The following CRADD variants were observed in gnomAD, a reference collection of about 807,000 sequenced individuals.
CRADD encodes the protein CARD and death domain containing adaptor protein, also known as death domain-containing protein CRADD.
A neutral mutation model predicts 15.5 loss-of-function variants in CRADD; 9 were observed. That is an observed-to-expected ratio of 0.58 (90% CI 0.35 to 1.01). The LOEUF (loss-of-function observed/expected upper bound fraction) is 1.01. Ranked by LOEUF, CRADD falls within the 50% of genes least tolerant of loss-of-function variation. The pLI, the probability that CRADD is intolerant of heterozygous loss-of-function variation, is 0.02. For missense variants in CRADD, 227 were observed against 250.3 expected (o/e 0.91, Z 0.63); for synonymous variants, 118 against 107.6 (o/e 1.10, Z -0.60).
chr12:93,780,975 C>T lies in CRADD; in HGVS notation c.299-68995C>T, dbSNP rs148406744. Among the ~76,000 whole-genome samples the T allele has an allele frequency of 1.7e-3, 258 of 149,814 alleles. 1 individual carries two copies. Among genetic ancestry groups the T allele is most frequent in the Non-Finnish European group, 3.1e-3 (211 of 67,618 alleles). On this transcript the variant is annotated intron_variant, in intron 2 of 2. Coordinates refer to ENST00000332896, the MANE Select transcript of CRADD (RefSeq NM_003805.5). ...TTTGCTATATTGGCCAGGCTGGTCT[C>T]GAACTCCTGACTTCAAGTAATCCAC...
intron 2 of CRADD, among the ~76,000 whole-genome samples, chr12:93,806,297 A>G (rs1023501764): frequency 2.0e-5 from 3 of 151,756 alleles, no homozygotes; most frequent in Non-Finnish European, 2.9e-5. Context: ...CTAAAAATAC[A>G]AAAAATTAGC....
chr12:93,784,514 C>T (rs1326626464), intron 2 of CRADD, among the ~76,000 whole-genome samples: 1 of 152,096 alleles, frequency 6.6e-6, no homozygotes, highest in Admixed American at 6.5e-5. Context: ...CTCCAAGCAC[C>T]AGCAGAATGA....
At chr12:93,717,241 T>C (rs1956177943) in intron 2 of CRADD, among the ~76,000 whole-genome samples, 2 of 152,234 alleles carry the variant, frequency 1.3e-5, no homozygotes, top group South Asian at 4.1e-4. Context: ...TCTTGTTGAA[T>C]TTTAAGAGTT....
At chr12:93,771,268 G>A (rs949119348) in intron 2 of CRADD, among the ~76,000 whole-genome samples, 1 of 152,126 alleles carries the variant, frequency 6.6e-6, no homozygotes, top group Non-Finnish European at 1.5e-5. Flanking sequence ...ATTCCCCAGT[G>A]AGTTCTATCA....
At chr12:93,884,103 T>C (rs1958520306) in intron 2 of CRADD, among the ~76,000 whole-genome samples, 1 of 152,150 alleles carries the variant, frequency 6.6e-6, no homozygotes, top group Admixed American at 6.5e-5. Context: ...AAAAAGGGTA[T>C]GAATACCAGG....
chr12:93,745,098 T>G (rs1286547162), intron 2 of CRADD, among the ~76,000 whole-genome samples: 4 of 152,200 alleles, frequency 2.6e-5, no homozygotes, highest in Non-Finnish European at 4.4e-5. Flanking sequence ...AGCTTCCAAG[T>G]TGGGCACATG....
chr12:93,722,569 T>C (rs1016615140), intron 2 of CRADD, among the ~76,000 whole-genome samples: 1 of 152,186 alleles, frequency 6.6e-6, no homozygotes, highest in Non-Finnish European at 1.5e-5. Flanking sequence ...TTTCTATTGA[T>C]ACATTCTTAA....
At position 93,850,101 on chromosome 12, in the gene CRADD, G is replaced by C; in HGVS notation, c.430G>C (p.Asp144His). Reference sequence around the variant, plus strand: ...GCTGTCTCTGGGACTGTCCCAGACGGATATCTACCGCTGTAAGGCCAACCA... The same window carrying C: ...GCTGTCTCTGGGACTGTCCCAGACGCATATCTACCGCTGTAAGGCCAACCA... The part of the protein sequence containing the change: ...MVLSLGLSQT[D>H]IYRCKANHPH... Residue 144 changes from aspartate to histidine, a missense_variant, in exon 3 of 3, where the codon GAT becomes CAT. By Grantham distance (81) the Asp-to-His change is moderately conservative. Coordinates refer to ENST00000332896, the MANE Select transcript of CRADD (RefSeq NM_003805.5). This position sits in a 1 kb window ranked among gnomAD's most constrained non-coding sequence, Gnocchi z 4.0. 6.2e-7 allele frequency: 1 copy of C among 1,613,960 alleles called. No homozygotes were observed. The highest frequency in any genetic ancestry group is 2.2e-5 in the East Asian group (1 of 44,870).
intron 2 of CRADD, among the ~76,000 whole-genome samples, chr12:93,857,201 A>T (rs886349826): frequency 6.6e-6 from 1 of 152,012 alleles, no homozygotes; most frequent in African/African-American, 2.4e-5. Flanking sequence ...TTCATATTCT[A>T]TCTCTAAGCA....
chr12:93,866,425 T>C (rs1453820146), intron 2 of CRADD, among the ~76,000 whole-genome samples: 1 of 152,194 alleles, frequency 6.6e-6, no homozygotes, highest in African/African-American at 2.4e-5. Context: ...TAAGACTCTT[T>C]TGTTGTATGA....
chr12:93,786,840 A>T (rs10859580), intron 2 of CRADD, among the ~76,000 whole-genome samples: 54,813 of 152,082 alleles, frequency 0.36, 11,310 homozygotes, highest in East Asian at 0.61. Flanking sequence ...GTAATTCTGT[A>T]CTTTATTCCC....
At chr12:93,875,816 G>A (rs1021869323) in intron 2 of CRADD, among the ~76,000 whole-genome samples, 1 of 152,044 alleles carries the variant, frequency 6.6e-6, no homozygotes, top group African/African-American at 2.4e-5. Context: ...TCATCATTTA[G>A]TCTTTCTACT....
chr12:93,683,407 C>T (rs976385645), intron 2 of CRADD, among the ~76,000 whole-genome samples: 12 of 152,330 alleles, frequency 7.9e-5, no homozygotes, highest in Admixed American at 3.3e-4. Flanking sequence ...TTAGCCATGG[C>T]GAGAGTGAAG....
chr12:93,762,254 G>T (rs1019429003), intron 2 of CRADD, among the ~76,000 whole-genome samples: 11 of 152,204 alleles, frequency 7.2e-5, no homozygotes, highest in African/African-American at 2.4e-4. Flanking sequence ...TCAGGCAAGT[G>T]ATTTGTCAAT....
chr12:93,703,971 A>C (rs1955889044), intron 2 of CRADD, among the ~76,000 whole-genome samples: 1 of 137,332 alleles, frequency 7.3e-6, no homozygotes, highest in Admixed American at 7.5e-5. Context: ...AATTATTTGG[A>C]GCCTTTCTTT....
At chr12:93,883,319 G>C (rs907917496) in intron 2 of CRADD, among the ~76,000 whole-genome samples, 16 of 152,234 alleles carry the variant, frequency 1.1e-4, no homozygotes, top group East Asian at 5.8e-4. Context: ...GCTACATTTG[G>C]CTTTCTACCA....
At chr12:93,755,198 C>A (rs1314889652) in intron 2 of CRADD, among the ~76,000 whole-genome samples, 1 of 152,120 alleles carries the variant, frequency 6.6e-6, no homozygotes, top group East Asian at 1.9e-4. Flanking sequence ...CCCACCAGGT[C>A]CCTCCCATGA....
intron 2 of CRADD, among the ~76,000 whole-genome samples, chr12:93,788,449 A>G (rs1957306466): frequency 6.6e-6 from 1 of 152,212 alleles, no homozygotes; most frequent in Non-Finnish European, 1.5e-5. Flanking sequence ...GCCAACCCGT[A>G]TCAACACCTG....
downstream of CRADD, among the ~76,000 whole-genome samples, chr12:93,855,374 C>T (rs1484066681): frequency 1.3e-5 from 2 of 152,142 alleles, no homozygotes; most frequent in African/African-American, 2.4e-5. Flanking sequence ...AACTCTCAAG[C>T]AGAGGCTACT....
Sources: gnomAD v4.1 joint callset for allele counts (sites outside exome capture counted in the v4.1 genomes callset) on GRCh38, gnomAD v4.1.1 for gene constraint, Gnocchi (gnomAD v3.1) non-coding constraint, MANE v1.5 for transcripts, NCBI Gene and HGNC (gene_info 2026-07-23, HGNC 2026-07-21) for gene names.